Variants in ELP4 observed in about 807,000 individuals in gnomAD.
ELP4 encodes elongator complex protein 4.
A neutral mutation model predicts 48.9 loss-of-function variants in ELP4; 51 were observed. The observed-to-expected ratio is 1.04, with a 90% CI of 0.83 to 1.32. The LOEUF (loss-of-function observed/expected upper bound fraction) is 1.32, where lower values mean the gene tolerates loss of function less well. Among genes scored for constraint, ELP4 ranks in the 40% most tolerant of loss-of-function variants. ELP4 has a pLI of 0.00. For synonymous variants in ELP4, 210 were observed against 189.2 expected (o/e 1.11, Z -0.90); for missense variants, 519 against 514.6 (o/e 1.01, Z -0.08).
chr11:31,544,096 T>C (rs1956645270), intron 3 of ELP4, among the ~76,000 whole-genome samples: 1 of 152,214 alleles, frequency 6.6e-6, no homozygotes, highest in South Asian at 2.1e-4. Context: ...GATTTCTGCA[T>C]TTCCATCTGA....
intron 9 of ELP4, among the ~76,000 whole-genome samples, chr11:31,659,086 AT>A (rs1945500778): frequency 6.6e-6 from 1 of 152,100 alleles, no homozygotes. Flanking sequence ...ATAAATATAA[AT>A]TATTAGTTTT....
At chr11:31,670,372 A>T (rs1945783235) in intron 9 of ELP4, among the ~76,000 whole-genome samples, 1 of 152,150 alleles carries the variant, frequency 6.6e-6, no homozygotes. Flanking sequence ...ATTGACATTT[A>T]TATCTATTAT....
chr11:31,510,274 C>T (rs1481492644), intron 1 of ELP4: 2 of 553,278 alleles, frequency 3.6e-6, no homozygotes, highest in Non-Finnish European at 6.5e-6. Context: ...TTCGTACATG[C>T]TTTTTACCCT....
intron 3 of ELP4, among the ~76,000 whole-genome samples, chr11:31,589,157 G>C (rs900860440): frequency 2.6e-5 from 4 of 152,176 alleles, no homozygotes; most frequent in African/African-American, 9.6e-5. Context: ...CACAAAATTG[G>C]CCCACTAAGA....
intron 4 of ELP4, among the ~76,000 whole-genome samples, chr11:31,601,257 T>C (rs1205792639): frequency 6.6e-6 from 1 of 151,276 alleles, no homozygotes; most frequent in East Asian, 1.9e-4. Context: ...AATCTGATTA[T>C]ATGTTAATGT....
At chr11:31,719,370 T>C (rs1314047598) in intron 9 of ELP4, 1 of 394,470 alleles carries the variant, frequency 2.5e-6, no homozygotes, top group Non-Finnish European at 4.5e-6. Flanking sequence ...TTTTGTGGAA[T>C]GGTTATAGAT....
intron 9 of ELP4, chr11:31,714,517 A>G (rs1210993890): frequency 2.5e-6 from 1 of 397,066 alleles, no homozygotes; most frequent in Non-Finnish European, 4.4e-6. Context: ...TTTTTACACA[A>G]TTCCAAATTT....
At chr11:31,546,117 C>T (rs1320364975) in intron 3 of ELP4, among the ~76,000 whole-genome samples, 2 of 151,786 alleles carry the variant, frequency 1.3e-5, no homozygotes, top group Non-Finnish European at 2.9e-5. Flanking sequence ...ATGACAGGTT[C>T]AAATTCACAC....
intron 9 of ELP4, among the ~76,000 whole-genome samples, chr11:31,758,916 C>G (rs1199246790): frequency 1.5e-4 from 23 of 152,082 alleles, no homozygotes; most frequent in Non-Finnish European, 2.9e-5. Flanking sequence ...AGCCACCACA[C>G]CCAGCCAGAA....
Position 31,685,371 on chromosome 11 carries a change from T to C in ELP4, c.1143+35150T>C, listed in dbSNP as rs541512209. 7.9e-5 allele frequency among the ~76,000 whole-genome samples: 12 copies of C among 151,286 alleles called. No homozygotes were observed. In the East Asian group the frequency reaches 1.2e-3, roughly 15 times the overall value. ...TCTCAAAACAACAACAACAACAAAA[T>C]AGCAAAGGAAATTTAATTGAAAAAA... On this transcript the variant is annotated intron_variant, in intron 9 of 9. Transcript: ENST00000640961.
intron 9 of ELP4, among the ~76,000 whole-genome samples, chr11:31,660,840 T>A (rs1945540647): frequency 6.6e-6 from 1 of 152,074 alleles, no homozygotes; most frequent in Non-Finnish European, 1.5e-5. Context: ...GATAGTGATT[T>A]GTTTTAATTA....
intron 9 of ELP4, among the ~76,000 whole-genome samples, chr11:31,778,016 G>A (rs538795319): frequency 4.6e-5 from 7 of 152,296 alleles, no homozygotes; most frequent in South Asian, 2.1e-4. Flanking sequence ...ATAGGATGGC[G>A]TGCCTTTTGA....
intron 7 of ELP4, among the ~76,000 whole-genome samples, chr11:31,637,056 T>C (rs1351587328): frequency 6.6e-6 from 1 of 151,916 alleles, no homozygotes; most frequent in Admixed American, 6.6e-5. Context: ...CATGCTGAAC[T>C]GTGGAGTAAA....
At chr11:31,589,659 T>G (rs1355872020) in intron 3 of ELP4, among the ~76,000 whole-genome samples, 4 of 152,206 alleles carry the variant, frequency 2.6e-5, no homozygotes, top group Non-Finnish European at 5.9e-5. Flanking sequence ...ATATAGATGA[T>G]ACCACATCTA....
chr11:31,750,493 G>A (rs1474197550), intron 9 of ELP4, among the ~76,000 whole-genome samples: 1 of 152,142 alleles, frequency 6.6e-6, no homozygotes. Flanking sequence ...CTGGGATGCA[G>A]TCAAAGGTTG....
chr11:31,705,847 A>T (rs1027475983), intron 9 of ELP4, among the ~76,000 whole-genome samples: 27 of 136,990 alleles, frequency 2.0e-4, no homozygotes, highest in African/African-American at 5.7e-4. Context: ...AATTTTTTTT[A>T]AATTTTGTTT....
intron 9 of ELP4, among the ~76,000 whole-genome samples, chr11:31,734,661 G>A (rs916624923): frequency 1.3e-5 from 2 of 151,976 alleles, no homozygotes; most frequent in Non-Finnish European, 2.9e-5. Context: ...CACCAAGAAG[G>A]CAAAAGTATT....
At chr11:31,675,543 G>A (rs1945905555) in intron 9 of ELP4, among the ~76,000 whole-genome samples, 1 of 152,130 alleles carries the variant, frequency 6.6e-6, no homozygotes, top group African/African-American at 2.4e-5. Flanking sequence ...TTACAGGTGT[G>A]AGCCACCGCG....
At chr11:31,534,079 G>A (rs1043744452) in intron 2 of ELP4, among the ~76,000 whole-genome samples, 1 of 151,934 alleles carries the variant, frequency 6.6e-6, no homozygotes, top group Non-Finnish European at 1.5e-5. Context: ...CTCGTGATCC[G>A]CCCGCCTCGG....
Sources: allele counts gnomAD v4.1 joint callset (sites outside exome capture counted in the v4.1 genomes callset), GRCh38; gene constraint gnomAD v4.1.1; transcripts MANE v1.5; gene names NCBI Gene and HGNC (gene_info 2026-07-23, HGNC 2026-07-21).